Variants in ANHX observed in about 807,000 individuals in gnomAD.
ANHX encodes anomalous homeobox protein.
Under a neutral mutation model 38.9 loss-of-function variants are expected in ANHX, and 20 were observed. That is an observed-to-expected ratio of 0.51 (90% CI 0.36 to 0.75). The LOEUF is 0.75. Among genes scored for constraint, ANHX ranks in the 30% least tolerant of loss-of-function variants. ANHX has a pLI of 0.00. For missense variants in ANHX, 475 were observed against 493.1 expected (o/e 0.96, Z 0.35); for synonymous variants, 185 against 203.1 (o/e 0.91, Z 0.76).
intron 3 of ANHX, among the ~76,000 whole-genome samples, chr12:133,229,849 T>G (rs1593970370): frequency 6.6e-6 from 1 of 152,298 alleles, no homozygotes; most frequent in African/African-American, 2.4e-5. Flanking sequence ...TGCTTTTACA[T>G]TTTTCAAGGG....
intron 7 of ANHX, among the ~76,000 whole-genome samples, chr12:133,223,402 GGATATTAGA>G (rs1375954617): frequency 6.6e-6 from 1 of 151,042 alleles, no homozygotes; most frequent in East Asian, 1.9e-4. Flanking sequence ...TACGATCAAA[GGATATTAGA>G]AAAAAATGCC....
At chr12:133,223,997 G>A (rs999393312) in intron 7 of ANHX, among the ~76,000 whole-genome samples, 1 of 152,098 alleles carries the variant, frequency 6.6e-6, no homozygotes, top group African/African-American at 2.4e-5. Context: ...ATGAGGACTC[G>A]GATAATTTAT....
At chr12:133,219,162 C>T (rs1029381410) in intron 9 of ANHX, 121 bp downstream of exon 9, 2 of 1,074,006 alleles carry the variant, frequency 1.9e-6, no homozygotes, top group Non-Finnish European at 2.7e-6. Context: ...CATCTTTGCC[C>T]CTTGTTTATC....
At chr12:133,225,310 TACATACACACACAC>T (rs1005170405) in intron 7 of ANHX, among the ~76,000 whole-genome samples, 13 of 143,802 alleles carry the variant, frequency 9.0e-5, no homozygotes, top group African/African-American at 1.7e-4. Context: ...GTGATATGCA[TACATACACACACAC>T]ACACACACAC....
At position 133,226,373 on chromosome 12, in the gene ANHX, C is replaced by T. The variant is rs1330031129; in HGVS notation, c.784G>A (p.Ala262Thr). 16 of 1,536,132 alleles carry T rather than the reference C, an allele frequency of 1.0e-5. No homozygotes were observed. The South Asian group carries it at 1.5e-4, about 15-fold the overall frequency. The change falls in exon 6 of 10, where the codon GCC (alanine) becomes ACC (threonine). Residue 262 changes from alanine to threonine, a missense_variant. Physicochemically the swap from Ala to Thr is moderately conservative, Grantham distance 58 (BLOSUM62 0). Coordinates refer to ENST00000545940, the MANE Select transcript of ANHX (RefSeq NM_001372060.1). ...QTTQGPWEPL[A>T]LAPDFPADET... The stretch of plus-strand genomic sequence containing the variant: ...TCTGCGGGAAAGTCCGGGGCTAAGG[C>T]CAGTGGCTCCCATGGTCCTTGGGTG...
rs1957210782 is a variant in ANHX at position 133,227,886 on chromosome 12, C to A, written c.439G>T (p.Val147Phe). Residue 147 changes from valine (V) to phenylalanine (F), a missense_variant, in exon 4 of 10, where the codon GTT becomes TTT. Physicochemically the swap from Val to Phe is conservative, Grantham distance 50. Transcript: ENST00000545940. ...GLKSRNFPRE[V>F]REKLHNFAVG... ...GCGAAATTGTGCAGCTTCTCACGAA[C>A]CTCTCTGGGGAAGTTCCGGCTCTTC... 2.0e-6 allele frequency: 3 copies of A among 1,534,070 alleles called. No individual in the cohort carries two copies. Among genetic ancestry groups the A allele is most frequent in the Non-Finnish European group, 2.6e-6 (3 of 1,146,452 alleles).
At position 133,221,060 on chromosome 12, in the gene ANHX, TTG is replaced by T; in HGVS notation, c.1280+143_1280+144del. On this transcript the variant is annotated intron_variant, in intron 8 of 9. Coordinates refer to ENST00000545940, the MANE Select transcript of ANHX (RefSeq NM_001372060.1). The surrounding 1 kb of genome is among the most constrained non-coding windows in gnomAD (Gnocchi z 4.1). ...TACCCTTTTCTTCATAGGTGTAGGC[TTG>T]TGGGGACTGTTACAGTTTTCAGCAA... The T allele has an allele frequency of 9.0e-7, 1 of 1,105,108 alleles. No homozygotes were observed. The highest frequency in any genetic ancestry group is 1.2e-6 in the Non-Finnish European group (1 of 809,360). 68.5% of individuals were successfully genotyped at this position (1,105,108 alleles called of 1,614,324 possible).
intron 9 of ANHX, 113 bp from the exon 10 acceptor site, chr12:133,219,084 C>G (rs1278017576): frequency 1.8e-6 from 2 of 1,091,802 alleles, no homozygotes; most frequent in Admixed American, 4.4e-5. Flanking sequence ...AGTCTGGACT[C>G]AGGAGGGAAT....
In ANHX at chr12:133,227,124, G is replaced by A; in HGVS notation, c.530C>T (p.Thr177Ile). The A allele has an allele frequency of 6.5e-7, 1 of 1,535,680 alleles. No individual in the cohort carries two copies. The highest frequency in any genetic ancestry group is 8.7e-7 in the Non-Finnish European group (1 of 1,146,612). The change falls in exon 5 of 10, where the codon ACC (threonine) becomes ATC (isoleucine). Residue 177 changes from threonine (T) to isoleucine (I), a missense_variant. Transcript: ENST00000545940. ...RENLALETSL[T>I]PEQVYNWFAN... The stretch of plus-strand genomic sequence containing the variant: ...AAACCAGTTGTACACCTGCTCAGGG[G>A]TCAAGCTCGTCTCCAATGCCAAGTT...
rs145944869 is a variant in ANHX at position 133,234,871 on chromosome 12, A to G, written c.-22-493T>C. The G allele has an allele frequency of 1.5e-4, 24 of 157,244 alleles. No homozygotes were observed. The East Asian group carries it at 4.1e-3, about 27-fold the overall frequency. 9.7% of individuals were successfully genotyped at this position (157,244 alleles called of 1,614,324 possible). ...TACTTGTTCTAACGGTGCCTCACCT[A>G]AGGACATTCAGGCAGCTGCCAGTGA... On this transcript the variant is annotated intron_variant, in intron 1 of 9. Transcript: ENST00000545940.
Position 133,234,117 on chromosome 12 carries a change from G to A in ANHX, c.240C>T (p.Arg80=), listed in dbSNP as rs141475940. 6.5e-7 allele frequency: 1 copy of A among 1,535,434 alleles called. No individual in the cohort carries two copies. Among genetic ancestry groups the A allele is most frequent in the Admixed American group, 2.0e-5 (1 of 50,982 alleles). The part of the protein sequence containing the change: ...DQQEQQQAAC[R]LLEGCQVPGG... ...TGTAGCCCAGGCCTACCTCCAGGAG[G>A]CGGCAAGCCGCCTGCTGCTGCTCCT... The change falls in exon 2 of 10, where the codon CGC becomes CGT. Residue 80 remains arginine (R), a synonymous_variant. Coordinates refer to ENST00000545940, the MANE Select transcript of ANHX (RefSeq NM_001372060.1).
At chr12:133,222,439 T>C (rs561553567) in intron 7 of ANHX, among the ~76,000 whole-genome samples, 5 of 151,274 alleles carry the variant, frequency 3.3e-5, no homozygotes, top group African/African-American at 1.2e-4. Context: ...AAGGCAGGGG[T>C]TTCAATAGAC....
chr12:133,233,542 C>T (rs1473011078), intron 2 of ANHX, among the ~76,000 whole-genome samples: 1 of 152,148 alleles, frequency 6.6e-6, no homozygotes, highest in African/African-American at 2.4e-5. Flanking sequence ...CTCAGCACGA[C>T]CTGGGGCAGC....
chr12:133,227,888 T>A lies in ANHX; in HGVS notation c.437A>T (p.Glu146Val), dbSNP rs1019822521. 2.3e-6 allele frequency: 3 copies of A among 1,309,102 alleles called. No homozygotes were observed. The highest frequency in any genetic ancestry group is 3.0e-6 in the Non-Finnish European group (3 of 1,006,518). 81.1% of individuals were successfully genotyped at this position (1,309,102 alleles called of 1,614,324 possible). The change falls in exon 4 of 10, where the codon GAG (glutamate) becomes GTG (valine). Residue 146 changes from glutamate to valine, a missense_variant. Coordinates refer to ENST00000545940, the MANE Select transcript of ANHX (RefSeq NM_001372060.1). ...EGLKSRNFPR[E>V]VREKLHNFAV... ...GAAATTGTGCAGCTTCTCACGAACCTCTCTGGGGAAGTTCCGGCTCTTCAG... is the reference window on the plus strand; with the variant it reads ...GAAATTGTGCAGCTTCTCACGAACCACTCTGGGGAAGTTCCGGCTCTTCAG...
intron 8 of ANHX, among the ~76,000 whole-genome samples, chr12:133,220,204 C>A (rs1957090184): frequency 6.6e-6 from 1 of 152,072 alleles, no homozygotes; most frequent in Non-Finnish European, 1.5e-5. Context: ...TACACATGTA[C>A]AGCCAATTAC....
intron 3 of ANHX, 38 bp downstream of exon 3, chr12:133,231,479 C>A (rs1957274294): frequency 1.5e-5 from 23 of 1,535,334 alleles, no homozygotes; most frequent in Non-Finnish European, 1.9e-5. Flanking sequence ...CCCTTGGGAT[C>A]CCCATGAAAT....
Position 133,219,354 on chromosome 12 carries a change from C to T in ANHX, c.1294G>A (p.Ala432Thr). ...CCGGGGAAGGCAGATGGGGCTGGGG[C>T]CAGCTCTGGAGGGCTGGAAAAGAGA... ...FILTQSPPEL[A>T]PAPSAFPGPV... Residue 432 changes from alanine to threonine, a missense_variant, in exon 9 of 10, where the codon GCC becomes ACC. By Grantham distance (58) the Ala-to-Thr change is moderately conservative. Coordinates refer to ENST00000545940, the MANE Select transcript of ANHX (RefSeq NM_001372060.1). 6.5e-7 allele frequency: 1 copy of T among 1,532,284 alleles called. No individual in the cohort carries two copies. 94.9% of individuals were successfully genotyped at this position (1,532,284 alleles called of 1,614,324 possible).
intron 8 of ANHX, 51 bp from the exon 9 acceptor site, chr12:133,219,418 G>A: frequency 1.5e-6 from 2 of 1,301,248 alleles, no homozygotes; most frequent in Non-Finnish European, 2.1e-6. Flanking sequence ...GGACACTGGG[G>A]TGACAAAATC....
intron 3 of ANHX, among the ~76,000 whole-genome samples, chr12:133,230,611 T>C (rs903079640): frequency 6.6e-6 from 1 of 152,016 alleles, no homozygotes; most frequent in African/African-American, 2.4e-5. Context: ...ACCCTGTCTC[T>C]ACAAAAAATT....
Sources: allele counts gnomAD v4.1 joint callset (sites outside exome capture counted in the v4.1 genomes callset), GRCh38; gene constraint gnomAD v4.1.1; non-coding constraint Gnocchi (gnomAD v3.1); transcripts MANE v1.5; gene names NCBI Gene and HGNC (gene_info 2026-07-23, HGNC 2026-07-21).